Variants in PLCB1 observed in about 807,000 individuals in gnomAD.
PLCB1 encodes the protein 1-phosphatidylinositol 4,5-bisphosphate phosphodiesterase beta-1.
In PLCB1, 46 loss-of-function variants were observed where a neutral mutation model predicts 161.8. That is an observed-to-expected ratio of 0.28 (90% CI 0.22 to 0.36). The LOEUF is 0.36. PLCB1 is among the 10% of genes least tolerant of loss of function. The pLI is 1.00. For missense variants in PLCB1, 1,016 were observed against 1,472.5 expected (o/e 0.69, Z 5.07); for synonymous variants, 517 against 503.7 (o/e 1.03, Z -0.35).
At position 8,774,011 on chromosome 20, in the gene PLCB1, A is replaced by G. The variant is rs564059122; in HGVS notation, c.2931-528A>G. Reference sequence around the variant, plus strand: ...AAAATTGTTAAGAAACAGAACTCAGATGTCAGCCAGGAGGGTTATCTGCAC... The same window carrying G: ...AAAATTGTTAAGAAACAGAACTCAGGTGTCAGCCAGGAGGGTTATCTGCAC... On this transcript the variant is annotated intron_variant, in intron 26 of 31. Transcript: ENST00000338037. Among the ~76,000 whole-genome samples the G allele has an allele frequency of 7.4e-5, 11 of 148,678 alleles. No homozygotes were observed. In the South Asian group the frequency reaches 2.3e-3, roughly 31 times the overall value.
intron 14 of PLCB1, among the ~76,000 whole-genome samples, chr20:8,720,935 G>A (rs972251202): frequency 1.3e-5 from 2 of 151,474 alleles, no homozygotes; most frequent in African/African-American, 2.4e-5. Flanking sequence ...CTAAAAGAAT[G>A]TGTCTCTAAT....
At chr20:8,160,251 TC>T (rs1471637795) in intron 2 of PLCB1, among the ~76,000 whole-genome samples, 1 of 152,154 alleles carries the variant, frequency 6.6e-6, no homozygotes, top group Admixed American at 6.5e-5. Flanking sequence ...TCTAGGAAGT[TC>T]CAAACTTTTC....
chr20:8,809,250 G>A (rs944778441), intron 31 of PLCB1, among the ~76,000 whole-genome samples: 9 of 151,920 alleles, frequency 5.9e-5, no homozygotes, highest in South Asian at 2.1e-4. Flanking sequence ...CAAAGCGATC[G>A]TCCCGCCTCA....
At chr20:8,827,016 C>G (rs1349397356) in intron 31 of PLCB1, among the ~76,000 whole-genome samples, 1 of 152,036 alleles carries the variant, frequency 6.6e-6, no homozygotes, top group Non-Finnish European at 1.5e-5. Context: ...TCTCTTAGGT[C>G]AGTTTTGCAA....
chr20:8,805,993 C>G (rs1984519884), intron 31 of PLCB1, among the ~76,000 whole-genome samples: 1 of 152,154 alleles, frequency 6.6e-6, no homozygotes, highest in Non-Finnish European at 1.5e-5. Flanking sequence ...TTGCTGGTGG[C>G]ATAGCCCAGC....
chr20:8,762,859 T>C (rs1452157731), intron 25 of PLCB1, among the ~76,000 whole-genome samples: 1 of 152,242 alleles, frequency 6.6e-6, no homozygotes, highest in Non-Finnish European at 1.5e-5. Flanking sequence ...CATCTTATTT[T>C]CTATTCAGGT....
chr20:8,487,267 A>G (rs1982768314), intron 3 of PLCB1, among the ~76,000 whole-genome samples: 1 of 152,190 alleles, frequency 6.6e-6, no homozygotes, highest in African/African-American at 2.4e-5. Flanking sequence ...ACATATTGGA[A>G]TAGTTTTGTG....
At chr20:8,545,437 T>A (rs1454800550) in intron 3 of PLCB1, among the ~76,000 whole-genome samples, 1 of 152,140 alleles carries the variant, frequency 6.6e-6, no homozygotes, top group African/African-American at 2.4e-5. Flanking sequence ...ACTCAAAGTG[T>A]GTCAGCGGAA....
At chr20:8,470,604 G>A (rs144537138) in intron 3 of PLCB1, among the ~76,000 whole-genome samples, 11 of 152,160 alleles carry the variant, frequency 7.2e-5, no homozygotes, top group Non-Finnish European at 1.5e-4. Flanking sequence ...GAGTGCAGTG[G>A]TGCGATCACA....
intron 3 of PLCB1, among the ~76,000 whole-genome samples, chr20:8,388,187 CT>C (rs1987485354): frequency 6.6e-6 from 1 of 152,106 alleles, no homozygotes; most frequent in South Asian, 2.1e-4. Context: ...TGACAATACC[CT>C]TTTGTATATG....
chr20:8,741,896 A>G (rs575247947), intron 23 of PLCB1, among the ~76,000 whole-genome samples: 19 of 152,360 alleles, frequency 1.2e-4, no homozygotes, highest in South Asian at 4.1e-4. Flanking sequence ...AAAAAGGAAG[A>G]TAATCATCAA....
At chr20:8,504,239 C>G (rs1983538630) in intron 3 of PLCB1, among the ~76,000 whole-genome samples, 1 of 152,104 alleles carries the variant, frequency 6.6e-6, no homozygotes, top group Non-Finnish European at 1.5e-5. Flanking sequence ...TTTCCGGTTA[C>G]TGTGGCAGAA....
chr20:8,484,706 C>T (rs955289724), intron 3 of PLCB1, among the ~76,000 whole-genome samples: 4 of 152,200 alleles, frequency 2.6e-5, no homozygotes, highest in African/African-American at 9.6e-5. Context: ...AGATGCTCTC[C>T]TTGACCACCT....
At chr20:8,608,225 G>C (rs906837262) in intron 3 of PLCB1, among the ~76,000 whole-genome samples, 3 of 152,122 alleles carry the variant, frequency 2.0e-5, no homozygotes, top group African/African-American at 7.2e-5. Flanking sequence ...TAGCCAGAGA[G>C]AGCACAAAAT....
In PLCB1 at chr20:8,697,742, A is replaced by G; in HGVS notation, c.1126A>G (p.Ile376Val). Residue 376 changes from isoleucine (I) to valine (V), a missense_variant, in exon 11 of 32, where the codon ATC (isoleucine) becomes GTC (valine). Ile to Val is a conservative substitution (Grantham distance 29, BLOSUM62 3). This residue lies in a region of PLCB1 where 56 missense variants were observed against 126.3 expected (regional missense o/e 0.44). Transcript: ENST00000338037. ...KGRTAEEEPV[I>V]THGFTMTTEI... ...ACGGACTGCAGAAGAGGAACCTGTC[A>G]TCACCCATGGCTTCACCATGACAAC... 1 of 1,614,222 alleles carries G rather than the reference A, an allele frequency of 6.2e-7. No homozygotes were observed. Among genetic ancestry groups the G allele is most frequent in the Non-Finnish European group, 8.5e-7 (1 of 1,180,036 alleles).
intron 3 of PLCB1, among the ~76,000 whole-genome samples, chr20:8,616,004 G>T (rs918373104): frequency 2.0e-5 from 3 of 152,086 alleles, no homozygotes; most frequent in African/African-American, 7.2e-5. Flanking sequence ...CTTTCTCTCA[G>T]TTACGCAGTT....
intron 3 of PLCB1, among the ~76,000 whole-genome samples, chr20:8,511,871 G>A (rs976707437): frequency 6.6e-6 from 1 of 151,822 alleles, no homozygotes; most frequent in Non-Finnish European, 1.5e-5. Context: ...TAAAAAATTC[G>A]ATTCTTTGTT....
chr20:8,655,995 T>G (rs1989447237), intron 7 of PLCB1, among the ~76,000 whole-genome samples: 1 of 152,000 alleles, frequency 6.6e-6, no homozygotes, highest in Non-Finnish European at 1.5e-5. Context: ...AGGTTATACT[T>G]GTTCCCTTTT....
intron 2 of PLCB1, among the ~76,000 whole-genome samples, chr20:8,293,047 C>T (rs1983459608): frequency 6.6e-6 from 1 of 151,930 alleles, no homozygotes; most frequent in African/African-American, 2.4e-5. Flanking sequence ...GGTTTTTGGT[C>T]ACAGTGTGAT....
Sources: allele counts gnomAD v4.1 joint callset (sites outside exome capture counted in the v4.1 genomes callset), GRCh38; gene constraint gnomAD v4.1.1; regional missense constraint gnomAD v4.1.1; transcripts MANE v1.5; gene names NCBI Gene and HGNC (gene_info 2026-07-23, HGNC 2026-07-21).